Variants in NHS observed in about 807,000 individuals in gnomAD.
NHS encodes the protein actin remodeling regulator NHS.
NHS carries 5 observed loss-of-function variants against 72.5 expected under a neutral mutation model. The ratio of observed to expected loss-of-function variants is 0.07; its 90% CI spans 0.04 to 0.14. The LOEUF (loss-of-function observed/expected upper bound fraction) is 0.14. Among genes scored for constraint, NHS ranks in the 10% least tolerant of loss-of-function variants. The pLI, the probability that NHS is intolerant of heterozygous loss-of-function variation, is 1.00. For missense variants in NHS, 1,072 were observed against 1,355.7 expected (o/e 0.79, Z 3.29); for synonymous variants, 464 against 547.7 (o/e 0.85, Z 2.13).
At position 17,687,727 on chromosome X, in the gene NHS, T is replaced by C; in HGVS notation, c.566-15T>C. The C allele has an allele frequency of 1.8e-6, 2 of 1,098,134 alleles. No individual in the cohort carries two copies. Among genetic ancestry groups the C allele is most frequent in the South Asian group, 1.8e-5 (1 of 54,146 alleles). 90.5% of individuals were successfully genotyped at this position (1,098,134 alleles called of 1,213,427 possible). On this transcript the variant is annotated splice_polypyrimidine_tract_variant and intron_variant, in intron 1 of 8. Transcript: ENST00000676302. The stretch of plus-strand genomic sequence containing the variant: ...AAAGCCACTGATGGACAACGCCCTG[T>C]TTCTTGTCTTGCAGCCGTCTCCAAC...
At chrX:17,473,834 A>T (rs965411633) in intron 1 of NHS, among the ~76,000 whole-genome samples, 5 of 112,012 alleles carry the variant, frequency 4.5e-5, no homozygotes, top group Non-Finnish European at 7.5e-5. Context: ...TCCTTTAAAA[A>T]TTTTTTTATG....
At position 17,443,702 on chromosome X, in the gene NHS, C is replaced by T. The variant is rs996181659; in HGVS notation, c.565+67380C>T. On this transcript the variant is annotated intron_variant, in intron 1 of 8. Transcript: ENST00000676302. ...AGGTCTGGGCCCTTTAAAAGCCTTT[C>T]CCTCTGCCTTGTTCAAATGGTGCAA... is the stretch of plus-strand genomic sequence containing the variant. Among the ~76,000 whole-genome samples, 33 of 112,096 alleles carry T rather than the reference C, an allele frequency of 2.9e-4. 1 individual carries two copies. Among genetic ancestry groups the T allele is most frequent in the African/African-American group, 1.1e-3 (33 of 30,809 alleles).
At chrX:17,474,456 G>A (rs965702428) in intron 1 of NHS, among the ~76,000 whole-genome samples, 6 of 111,769 alleles carry the variant, frequency 5.4e-5, no homozygotes, top group Admixed American at 9.5e-5. Flanking sequence ...GACAGACTCT[G>A]AGATGGAGAC....
intron 1 of NHS, among the ~76,000 whole-genome samples, chrX:17,412,231 GATAAT>G (rs1341648015): frequency 9.2e-6 from 1 of 108,761 alleles, no homozygotes; most frequent in Non-Finnish European, 1.9e-5. Flanking sequence ...TATATATTAA[GATAAT>G]ATATATGTAT....
At chrX:17,489,518 C>T (rs1449450258) in intron 1 of NHS, among the ~76,000 whole-genome samples, 1 of 111,528 alleles carries the variant, frequency 9.0e-6, no homozygotes, top group Non-Finnish European at 1.9e-5. Flanking sequence ...GATGGAGTCT[C>T]GCTCTGTCAC....
In NHS at chrX:17,666,576, A is replaced by G. The variant is rs761863027; in HGVS notation, c.566-21166A>G. 2.6e-3 allele frequency among the ~76,000 whole-genome samples: 289 copies of G among 112,974 alleles called. 1 individual carries two copies. The highest frequency in any genetic ancestry group is 0.014 in the Middle Eastern group (3 of 219). On this transcript the variant is annotated intron_variant, in intron 1 of 8. Coordinates refer to ENST00000676302, the MANE Select transcript of NHS (RefSeq NM_001291867.2). The stretch of plus-strand genomic sequence containing the variant: ...TCTATGCTAAAGTACTAGTGCCAGC[A>G]TGCAGTACACACTTAGTTAATACCA...
chrX:17,469,678 G>A (rs1356056649), intron 1 of NHS, among the ~76,000 whole-genome samples: 1 of 112,250 alleles, frequency 8.9e-6, no homozygotes, highest in Non-Finnish European at 1.9e-5. Context: ...TGTCACCCAG[G>A]CTGCAGTGCA....
intron 1 of NHS, among the ~76,000 whole-genome samples, chrX:17,458,685 G>T (rs983204434): frequency 9.1e-6 from 1 of 110,181 alleles, no homozygotes. Context: ...TAGAGTTGGG[G>T]TTTCGCCATG....
intron 1 of NHS, among the ~76,000 whole-genome samples, chrX:17,405,216 C>A (rs1211577149): frequency 8.9e-6 from 1 of 111,935 alleles, no homozygotes; most frequent in Non-Finnish European, 1.9e-5. Flanking sequence ...TGGGCTCTGC[C>A]TGGAAGTTGG....
chrX:17,595,286 T>C (rs2065619961), intron 1 of NHS, among the ~76,000 whole-genome samples: 1 of 111,704 alleles, frequency 9.0e-6, no homozygotes, highest in South Asian at 3.8e-4. Context: ...TATAGACACT[T>C]TCCCTACCCA....
At chrX:17,454,507 C>T (rs1042683778) in intron 1 of NHS, among the ~76,000 whole-genome samples, 1 of 112,281 alleles carries the variant, frequency 8.9e-6, no homozygotes, top group African/African-American at 3.2e-5. Context: ...TGGAGATTTA[C>T]AAGCTCAGTT....
chrX:17,635,949 T>C (rs747531148), intron 1 of NHS, among the ~76,000 whole-genome samples: 3 of 112,311 alleles, frequency 2.7e-5, no homozygotes, highest in African/African-American at 9.7e-5. Flanking sequence ...TGCTCCGACA[T>C]TTGAACGTCT....
At chrX:17,568,341 T>C (rs1351545720) in intron 1 of NHS, among the ~76,000 whole-genome samples, 6 of 111,962 alleles carry the variant, frequency 5.4e-5, no homozygotes, top group Non-Finnish European at 1.9e-5. Flanking sequence ...AGAACCCATA[T>C]GGTTTGCCAT....
At chrX:17,578,070 A>G (rs1057033971) in intron 1 of NHS, among the ~76,000 whole-genome samples, 4 of 112,269 alleles carry the variant, frequency 3.6e-5, no homozygotes, top group Non-Finnish European at 7.5e-5. Flanking sequence ...TTCTTGTCCT[A>G]GAAATAATAT....
chrX:17,385,502 A>T (rs1335145313), intron 1 of NHS, among the ~76,000 whole-genome samples: 1 of 111,721 alleles, frequency 9.0e-6, no homozygotes, highest in Non-Finnish European at 1.9e-5. Context: ...TGGCAGAGTA[A>T]GACTATATCC....
intron 1 of NHS, among the ~76,000 whole-genome samples, chrX:17,531,497 T>C (rs1271801746): frequency 1.8e-5 from 2 of 112,279 alleles, no homozygotes; most frequent in African/African-American, 6.5e-5. Flanking sequence ...TAGCCTCTCT[T>C]GCATTTGTCC....
chrX:17,640,837 C>T (rs948317212), intron 1 of NHS, among the ~76,000 whole-genome samples: 2 of 112,524 alleles, frequency 1.8e-5, no homozygotes, highest in Non-Finnish European at 3.7e-5. Context: ...TCAACAGCCA[C>T]ATAGCCGTTG....
intron 1 of NHS, among the ~76,000 whole-genome samples, chrX:17,636,251 A>C (rs1012507229): frequency 8.9e-6 from 1 of 112,260 alleles, no homozygotes. Flanking sequence ...TTACATCTTC[A>C]ATGGCCTTAC....
At chrX:17,516,567 A>G (rs866687099) in intron 1 of NHS, among the ~76,000 whole-genome samples, 20 of 83,909 alleles carry the variant, frequency 2.4e-4, no homozygotes, top group Admixed American at 1.1e-3. Context: ...ACACACACAC[A>G]CGCGCACACA....
Sources: allele counts gnomAD v4.1 joint callset (sites outside exome capture counted in the v4.1 genomes callset), GRCh38; gene constraint gnomAD v4.1.1; transcripts MANE v1.5; gene names NCBI Gene and HGNC (gene_info 2026-07-23, HGNC 2026-07-21).